Variants in SEPTIN11 observed in about 807,000 individuals in gnomAD.
The protein encoded by SEPTIN11 is septin-11.
In SEPTIN11, 25 loss-of-function variants were observed where a neutral mutation model predicts 51.4. That is an observed-to-expected ratio of 0.49 (90% CI 0.35 to 0.68). The LOEUF (loss-of-function observed/expected upper bound fraction) is 0.68. SEPTIN11 is among the 30% of genes least tolerant of loss of function. SEPTIN11 has a pLI of 0.00. For missense variants in SEPTIN11, 381 were observed against 520.8 expected (o/e 0.73, Z 2.61); for synonymous variants, 174 against 184.1 (o/e 0.95, Z 0.44).
intron 1 of SEPTIN11, among the ~76,000 whole-genome samples, chr4:76,951,150 C>G (rs1216649013): frequency 2.6e-5 from 4 of 152,206 alleles, no homozygotes; most frequent in Non-Finnish European, 4.4e-5. Flanking sequence ...GCTCTTCCCC[C>G]TCTCCCCGCC....
chr4:77,015,016 G>A lies in SEPTIN11; in HGVS notation c.686G>A (p.Ser229Asn), dbSNP rs771181394. 3.1e-6 allele frequency: 5 copies of A among 1,612,454 alleles called. No homozygotes were observed. In the South Asian group the frequency reaches 4.4e-5, roughly 14 times the overall value. The part of the protein sequence containing the change: ...ETVAEINATM[S>N]VHLPFAVVGS... ...GTGGCAGAGATTAACGCAACAATGA[G>A]TGTAAGTCCTCAAGTCAAATGGGAA... The change falls in exon 5 of 10, where the codon AGT becomes AAT. Residue 229 changes from serine (S) to asparagine (N), a missense_variant and splice_region_variant. Around this residue, in one of 2 missense-constraint regions of SEPTIN11, gnomAD observed 197 missense variants for 313.1 expected, o/e 0.63. Transcript: ENST00000264893.
At chr4:76,987,752 GGTCA>G (rs1723119025) in intron 1 of SEPTIN11, 2 of 610,266 alleles carry the variant, frequency 3.3e-6, no homozygotes, top group Non-Finnish European at 4.1e-6. Flanking sequence ...GGTGGCTGGT[GGTCA>G]GTCAAAGATT....
rs760489980 is a variant in SEPTIN11 at position 77,038,046 on chromosome 4, G to A, written c.*3534G>A. 1.0e-6 allele frequency: 1 copy of A among 985,724 alleles called. No homozygotes were observed. Among genetic ancestry groups the A allele is most frequent in the Non-Finnish European group, 1.2e-6 (1 of 829,944 alleles). The allele number at this position is 985,724 out of a possible 1,614,324, so 61.1% of individuals were successfully genotyped here. On this transcript the variant is annotated 3_prime_UTR_variant, in exon 10 of 10. Transcript: ENST00000264893. ...TACCGACCCACGTCCTGCTGTCTCT[G>A]TGTGGTCCTACAAAAACTGTCCATT...
At chr4:76,994,870 A>G (rs531682310) in intron 1 of SEPTIN11, among the ~76,000 whole-genome samples, 1 of 148,754 alleles carries the variant, frequency 6.7e-6, no homozygotes, top group Admixed American at 6.7e-5. Context: ...CAGTCTTTTG[A>G]AAACATTGAC....
chr4:77,018,673 A>G (rs1725481482), intron 5 of SEPTIN11, among the ~76,000 whole-genome samples: 1 of 149,436 alleles, frequency 6.7e-6, no homozygotes, highest in South Asian at 2.2e-4. Context: ...CTTTATCTTT[A>G]ATCTTTGTGT....
chr4:77,003,732 A>G (rs1724286461), intron 2 of SEPTIN11, among the ~76,000 whole-genome samples: 1 of 152,250 alleles, frequency 6.6e-6, no homozygotes, highest in African/African-American at 2.4e-5. Flanking sequence ...GTATTATGTT[A>G]GAAAGCAATG....
chr4:76,989,175 C>G (rs527485087), intron 1 of SEPTIN11, among the ~76,000 whole-genome samples: 1 of 152,238 alleles, frequency 6.6e-6, no homozygotes, highest in Admixed American at 6.5e-5. Flanking sequence ...TGACTTGGAT[C>G]AGTATACTTT....
In SEPTIN11 at chr4:77,036,418, TC is replaced by T; in HGVS notation, c.*1908del. ...TTGAATATTTGTGTTGTATGCTTGT[TC>T]CAACCACCGCTTGTGTGAGCATTTT... On this transcript the variant is annotated 3_prime_UTR_variant, in exon 10 of 10. Transcript: ENST00000264893. 8.7e-7 allele frequency: 1 copy of T among 1,148,046 alleles called. No homozygotes were observed. Among genetic ancestry groups the T allele is most frequent in the Non-Finnish European group, 1.1e-6 (1 of 929,360 alleles). The allele number at this position is 1,148,046 out of a possible 1,614,324, so 71.1% of individuals were successfully genotyped here.
intron 7 of SEPTIN11, among the ~76,000 whole-genome samples, chr4:77,027,819 T>G (rs746399987): frequency 2.0e-5 from 3 of 152,206 alleles, no homozygotes; most frequent in Admixed American, 6.5e-5. Context: ...TCTGTAAATA[T>G]ATTTGTTTTG....
intron 5 of SEPTIN11, among the ~76,000 whole-genome samples, chr4:77,018,256 C>T (rs932705541): frequency 6.6e-5 from 10 of 152,106 alleles, no homozygotes; most frequent in South Asian, 2.1e-4. Flanking sequence ...CGAGACCATC[C>T]TGGCTAACAC....
intron 7 of SEPTIN11, among the ~76,000 whole-genome samples, chr4:77,027,757 G>T (rs972518971): frequency 6.6e-6 from 1 of 152,108 alleles, no homozygotes; most frequent in African/African-American, 2.4e-5. Flanking sequence ...GTGTGTATGT[G>T]GGGGTTGCAG....
chr4:76,962,540 G>C (rs375580733), intron 1 of SEPTIN11, among the ~76,000 whole-genome samples: 2 of 152,144 alleles, frequency 1.3e-5, no homozygotes, highest in East Asian at 3.9e-4. Flanking sequence ...AGAATTACTG[G>C]TTTGTCCTGG....
At chr4:77,005,849 C>A in intron 3 of SEPTIN11, 53 bp downstream of exon 3, 1 of 1,518,190 alleles carries the variant, frequency 6.6e-7, no homozygotes, top group South Asian at 1.2e-5. Flanking sequence ...TAGCAGGATC[C>A]ATCCCAGGTA....
At chr4:76,971,583 TAGATTA>T (rs750165571) in intron 1 of SEPTIN11, among the ~76,000 whole-genome samples, 2,956 of 147,540 alleles carry the variant, frequency 0.02, 65 homozygotes, top group South Asian at 0.067. Context: ...GATTTAGATT[TAGATTA>T]AGATTAGATT....
chr4:76,972,980 G>A (rs879569828), intron 1 of SEPTIN11: 7 of 152,098 alleles, frequency 4.6e-5, no homozygotes, highest in Non-Finnish European at 8.8e-5. Flanking sequence ...ATGGTGCCAG[G>A]ATTGAAGTCA....
At chr4:77,014,043 A>T (rs1281906493) in intron 4 of SEPTIN11, among the ~76,000 whole-genome samples, 1 of 152,178 alleles carries the variant, frequency 6.6e-6, no homozygotes, top group Non-Finnish European at 1.5e-5. Context: ...GCTCTGGGGT[A>T]TCCTTGGCTC....
chr4:77,023,895 G>T (rs766085806), intron 7 of SEPTIN11, among the ~76,000 whole-genome samples: 1 of 152,176 alleles, frequency 6.6e-6, no homozygotes, highest in Non-Finnish European at 1.5e-5. Flanking sequence ...TGGATCTTCC[G>T]TGTGAATTTA....
At chr4:77,015,625 A>AG (rs904366104) in intron 5 of SEPTIN11, among the ~76,000 whole-genome samples, 3 of 152,182 alleles carry the variant, frequency 2.0e-5, no homozygotes. Context: ...CACAGCCCAT[A>AG]GCTCAGCTGT....
intron 1 of SEPTIN11, among the ~76,000 whole-genome samples, chr4:76,976,728 A>G (rs1430220934): frequency 1.3e-5 from 2 of 152,214 alleles, no homozygotes; most frequent in Admixed American, 6.5e-5. Context: ...GAAGTCTGAT[A>G]CCCACTCTGA....
Sources: gnomAD v4.1 joint callset for allele counts (sites outside exome capture counted in the v4.1 genomes callset) on GRCh38, gnomAD v4.1.1 for gene constraint, gnomAD v4.1.1 regional missense constraint, MANE v1.5 for transcripts, NCBI Gene and HGNC (gene_info 2026-07-23, HGNC 2026-07-21) for gene names.